The following NPAS3 variants were observed in gnomAD, a reference collection of about 807,000 sequenced individuals.
The protein encoded by NPAS3 is neuronal PAS domain-containing protein 3.
In NPAS3, 14 loss-of-function variants were observed where a neutral mutation model predicts 73.1. That is an observed-to-expected ratio of 0.19 (90% CI 0.13 to 0.30). The LOEUF is 0.30. Among genes scored for constraint, NPAS3 ranks in the 10% least tolerant of loss-of-function variants. The pLI is 1.00. For synonymous variants in NPAS3, 620 were observed against 541.5 expected (o/e 1.14, Z -2.01); for missense variants, 1,096 against 1,250.0 (o/e 0.88, Z 1.86).
At chr14:32,939,278 A>C, upstream of NPAS3, 1 of 548,788 alleles carries the variant, frequency 1.8e-6, no homozygotes, top group East Asian at 7.7e-5. Context: ...GAGGGGGGAG[A>C]GAGGCAAAAA....
intron 1 of NPAS3, among the ~76,000 whole-genome samples, chr14:33,001,735 A>G (rs1047481841): frequency 6.6e-6 from 1 of 152,166 alleles, no homozygotes; most frequent in Non-Finnish European, 1.5e-5. Flanking sequence ...TGGCATTGGT[A>G]TAGTAAGTCC....
At chr14:33,676,125 C>A in intron 5 of NPAS3, 86 bp from the exon 6 acceptor site, 1 of 1,349,886 alleles carries the variant, frequency 7.4e-7, no homozygotes, top group Non-Finnish European at 1.0e-6. Flanking sequence ...TTCTTTTCTA[C>A]TCAGAATCTG....
chr14:33,207,234 TACACACACACACACACACAC>T (rs760045327), intron 2 of NPAS3, among the ~76,000 whole-genome samples: 1 of 88,326 alleles, frequency 1.1e-5, no homozygotes, highest in African/African-American at 3.9e-5. Context: ...CAAAGAACAT[TACACACACACACACACACAC>T]ACACACACAC....
chr14:33,314,442 T>C (rs1426094990), intron 3 of NPAS3, among the ~76,000 whole-genome samples: 3 of 152,022 alleles, frequency 2.0e-5, no homozygotes, highest in Admixed American at 6.6e-5. Flanking sequence ...ATGAGGATAG[T>C]AGTGTCTATA....
At chr14:33,751,964 A>C (rs1671551922) in intron 7 of NPAS3, among the ~76,000 whole-genome samples, 1 of 152,228 alleles carries the variant, frequency 6.6e-6, no homozygotes, top group Non-Finnish European at 1.5e-5. Context: ...TTTTAAAAAA[A>C]TCAAATACAG....
intron 2 of NPAS3, among the ~76,000 whole-genome samples, chr14:33,142,142 A>T (rs1027576995): frequency 7.0e-6 from 1 of 141,952 alleles, no homozygotes; most frequent in Admixed American, 7.1e-5. Flanking sequence ...AGTACTTTGT[A>T]CAATTTTACT....
chr14:33,649,195 C>T (rs1040133808), intron 5 of NPAS3, among the ~76,000 whole-genome samples: 2 of 152,174 alleles, frequency 1.3e-5, no homozygotes, highest in African/African-American at 2.4e-5. Flanking sequence ...GTCCATGCAC[C>T]TCCTGTCCTA....
At chr14:33,039,719 G>T (rs1953444) in intron 1 of NPAS3, among the ~76,000 whole-genome samples, 24,790 of 152,216 alleles carry the variant, frequency 0.16, 2,327 homozygotes, top group East Asian at 0.29. Flanking sequence ...TGCAGTTGTA[G>T]TCGTCTTCTA....
intron 4 of NPAS3, among the ~76,000 whole-genome samples, chr14:33,459,380 A>G (rs980200767): frequency 4.6e-5 from 7 of 152,250 alleles, no homozygotes; most frequent in African/African-American, 9.6e-5. Flanking sequence ...TAAGAAAACT[A>G]TAAAATATTA....
At chr14:33,386,043 TG>T (rs2046761249) in intron 4 of NPAS3, among the ~76,000 whole-genome samples, 1 of 151,300 alleles carries the variant, frequency 6.6e-6, no homozygotes, top group Admixed American at 6.6e-5. Context: ...TAAGTGTGTG[TG>T]CACTTGAACA....
At chr14:33,699,449 C>A (rs1020613699) in intron 6 of NPAS3, among the ~76,000 whole-genome samples, 1 of 151,902 alleles carries the variant, frequency 6.6e-6, no homozygotes, top group South Asian at 2.1e-4. Flanking sequence ...ATTATTTGCA[C>A]GGAATCACCA....
chr14:33,390,400 G>T (rs1235803034), intron 4 of NPAS3, among the ~76,000 whole-genome samples: 1 of 152,122 alleles, frequency 6.6e-6, no homozygotes, highest in Admixed American at 6.6e-5. Flanking sequence ...CTATATCAGG[G>T]CCTACAGTGA....
At chr14:33,715,964 G>C (rs563273921) in intron 6 of NPAS3, among the ~76,000 whole-genome samples, 2 of 152,302 alleles carry the variant, frequency 1.3e-5, no homozygotes, top group East Asian at 3.9e-4. Context: ...CTTCCACCAT[G>C]ATTGTGAGGC....
At chr14:33,022,664 CAAAAAAAAAAAA>C (rs34475386) in intron 1 of NPAS3, among the ~76,000 whole-genome samples, 7 of 97,462 alleles carry the variant, frequency 7.2e-5, no homozygotes, top group African/African-American at 2.4e-4. Flanking sequence ...GACTCCGTCC[CAAAAAAAAAAAA>C]AAAAAAAAAA....
chr14:33,792,657 A>G (rs1013430269), intron 9 of NPAS3, among the ~76,000 whole-genome samples: 2 of 152,120 alleles, frequency 1.3e-5, no homozygotes, highest in African/African-American at 4.8e-5. Context: ...CCGTAATTAA[A>G]TGGACAATAT....
At chr14:33,241,184 A>AT (rs1475812434) in intron 3 of NPAS3, among the ~76,000 whole-genome samples, 1 of 151,896 alleles carries the variant, frequency 6.6e-6, no homozygotes, top group Non-Finnish European at 1.5e-5. Flanking sequence ...GTGAACTCTG[A>AT]TTTTCTGAAA....
chr14:33,591,436 C>T (rs1200916151), intron 5 of NPAS3, among the ~76,000 whole-genome samples: 1 of 152,182 alleles, frequency 6.6e-6, no homozygotes, highest in Non-Finnish European at 1.5e-5. Context: ...GACCATTTGT[C>T]TTGGGAACTA....
chr14:33,357,286 C>A (rs1398582348), intron 3 of NPAS3, among the ~76,000 whole-genome samples: 3 of 152,130 alleles, frequency 2.0e-5, no homozygotes, highest in Non-Finnish European at 4.4e-5. Context: ...AAAACCAATG[C>A]CAATTACTGC....
intron 1 of NPAS3, among the ~76,000 whole-genome samples, chr14:33,054,933 A>G (rs1006514010): frequency 6.6e-6 from 1 of 152,130 alleles, no homozygotes. Context: ...TTTATAAAGT[A>G]GCATGATCCA....
Sources: gnomAD v4.1 joint callset for allele counts (sites outside exome capture counted in the v4.1 genomes callset) on GRCh38, gnomAD v4.1.1 for gene constraint, MANE v1.5 for transcripts, NCBI Gene and HGNC (gene_info 2026-07-23, HGNC 2026-07-21) for gene names.